Variants in CDK19 observed in about 807,000 individuals in gnomAD.
CDK19 encodes cyclin dependent kinase 19.
In CDK19, 20 loss-of-function variants were observed where a neutral mutation model predicts 68.3. The ratio of observed to expected loss-of-function variants is 0.29; its 90% CI spans 0.21 to 0.43. The LOEUF (loss-of-function observed/expected upper bound fraction) is 0.43, where lower values mean the gene tolerates loss of function less well. Ranked by LOEUF, CDK19 falls within the 20% of genes least tolerant of loss-of-function variation. The pLI is 1.00. For synonymous variants in CDK19, 221 were observed against 222.8 expected (o/e 0.99, Z 0.07); for missense variants, 339 against 623.5 (o/e 0.54, Z 4.86).
At chr6:110,724,166 C>G (rs1776156966) in intron 2 of CDK19, among the ~76,000 whole-genome samples, 1 of 152,070 alleles carries the variant, frequency 6.6e-6, no homozygotes, top group South Asian at 2.1e-4. Context: ...CCAGCCTGAC[C>G]AACACAGAGA....
chr6:110,688,450 C>T (rs1772693882), intron 2 of CDK19, among the ~76,000 whole-genome samples: 1 of 152,162 alleles, frequency 6.6e-6, no homozygotes, highest in Admixed American at 6.5e-5. Context: ...TAGAGACTCA[C>T]TCTGGGAACT....
chr6:110,764,097 A>T (rs1050466294), intron 1 of CDK19, among the ~76,000 whole-genome samples: 2 of 152,208 alleles, frequency 1.3e-5, no homozygotes, highest in African/African-American at 4.8e-5. Flanking sequence ...TGATAAAACA[A>T]ATCAAAAAAG....
chr6:110,618,343 G>A (rs917895120), intron 12 of CDK19, among the ~76,000 whole-genome samples: 4 of 151,992 alleles, frequency 2.6e-5, no homozygotes, highest in Non-Finnish European at 5.9e-5. Context: ...ATGTTGGCCA[G>A]GATGGTCTTG....
At chr6:110,750,103 C>T (rs2114899233) in intron 1 of CDK19, among the ~76,000 whole-genome samples, 1 of 145,662 alleles carries the variant, frequency 6.9e-6, no homozygotes, top group East Asian at 2.2e-4. Context: ...GAAATGATGA[C>T]ATGACCTAAA....
chr6:110,812,059 T>A (rs1163707075), intron 1 of CDK19, among the ~76,000 whole-genome samples: 4 of 151,102 alleles, frequency 2.6e-5, no homozygotes, highest in African/African-American at 4.9e-5. Context: ...AGTATAAATA[T>A]TAAATAAAAA....
intron 2 of CDK19, among the ~76,000 whole-genome samples, chr6:110,691,466 T>G (rs1314903454): frequency 6.7e-6 from 1 of 149,786 alleles, no homozygotes; most frequent in South Asian, 2.1e-4. Flanking sequence ...AGTGCAAGAC[T>G]CCGTCTCAAA....
chr6:110,620,753 A>G (rs1289615943), intron 12 of CDK19, among the ~76,000 whole-genome samples: 1 of 152,124 alleles, frequency 6.6e-6, no homozygotes, highest in Non-Finnish European at 1.5e-5. Context: ...ATTTTGTCCA[A>G]AGTAAGACAC....
chr6:110,670,184 A>C (rs1457592707), intron 3 of CDK19, among the ~76,000 whole-genome samples: 1 of 147,584 alleles, frequency 6.8e-6, no homozygotes, highest in Non-Finnish European at 1.5e-5. Flanking sequence ...GGCCAAAAAA[A>C]GTATAGTCTC....
intron 1 of CDK19, among the ~76,000 whole-genome samples, chr6:110,798,416 G>A (rs920904017): frequency 3.3e-5 from 5 of 152,070 alleles, no homozygotes; most frequent in Non-Finnish European, 7.4e-5. Context: ...CCAGAGGTCA[G>A]GAGTTTGAGA....
chr6:110,740,261 A>G (rs1478010064), intron 2 of CDK19, among the ~76,000 whole-genome samples: 3 of 152,174 alleles, frequency 2.0e-5, no homozygotes, highest in Non-Finnish European at 4.4e-5. Context: ...AATAGCATTT[A>G]CCACGTTTTC....
intron 1 of CDK19, among the ~76,000 whole-genome samples, chr6:110,808,707 C>A (rs1053856072): frequency 1.3e-5 from 2 of 152,088 alleles, no homozygotes; most frequent in African/African-American, 4.8e-5. Flanking sequence ...GTTAAAGATA[C>A]TTAATTTTTT....
At chr6:110,618,884 CCTTT>C (rs1178825443) in intron 12 of CDK19, among the ~76,000 whole-genome samples, 2 of 152,208 alleles carry the variant, frequency 1.3e-5, no homozygotes, top group South Asian at 2.1e-4. Flanking sequence ...AATAAATCTG[CCTTT>C]CTTTACCCAG....
chr6:110,676,426 GGACT>G (rs777642249), intron 2 of CDK19, among the ~76,000 whole-genome samples: 20 of 152,264 alleles, frequency 1.3e-4, no homozygotes, highest in Non-Finnish European at 2.8e-4. Context: ...GGGTTTGAGA[GGACT>G]GACTCAAATT....
At chr6:110,698,323 CAAAT>C (rs1773666907) in intron 2 of CDK19, among the ~76,000 whole-genome samples, 1 of 150,626 alleles carries the variant, frequency 6.6e-6, no homozygotes, top group Admixed American at 6.6e-5. Flanking sequence ...AAAAAAAAAA[CAAAT>C]AATTCCATCA....
Position 110,815,211 on chromosome 6 carries a change from C to A in CDK19, c.-75G>T, listed in dbSNP as rs982691169. The A allele has an allele frequency of 2.1e-6, 3 of 1,443,026 alleles. No individual in the cohort carries two copies. The highest frequency in any genetic ancestry group is 2.7e-6 in the Non-Finnish European group (3 of 1,095,464). The allele number at this position is 1,443,026 out of a possible 1,614,324, so 89.4% of individuals were successfully genotyped here. On this transcript the variant is annotated 5_prime_UTR_variant, in exon 1 of 13. Coordinates refer to ENST00000368911, the MANE Select transcript of CDK19 (RefSeq NM_015076.5). ...GTCCCTCCTCCTCCTCCCCCCGCGA[C>A]CGCCGCTCCACTTCTCCAACAGCCG...
intron 2 of CDK19, among the ~76,000 whole-genome samples, chr6:110,671,743 A>G (rs1252563420): frequency 6.6e-6 from 1 of 152,204 alleles, no homozygotes; most frequent in African/African-American, 2.4e-5. Flanking sequence ...TCAATGAGGC[A>G]GAGAAAAATA....
rs574343339 is a variant in CDK19 at position 110,751,489 on chromosome 6, G to A, written c.129-5288C>T. ...ATCTAGTTGCAGGAAAGCAAACACAGGACTCCTGCTGATTCTACGTTATGG... is the reference window on the plus strand; with the variant it reads ...ATCTAGTTGCAGGAAAGCAAACACAAGACTCCTGCTGATTCTACGTTATGG... On this transcript the variant is annotated intron_variant, in intron 1 of 12. Transcript: ENST00000368911. Among the ~76,000 whole-genome samples, 19 of 152,076 alleles carry A rather than the reference G, an allele frequency of 1.2e-4. No homozygotes were observed. The South Asian group carries it at 3.7e-3, about 30-fold the overall frequency.
At chr6:110,764,429 T>TA (rs1779433694) in intron 1 of CDK19, among the ~76,000 whole-genome samples, 1 of 152,150 alleles carries the variant, frequency 6.6e-6, no homozygotes, top group South Asian at 2.1e-4. Flanking sequence ...TGGAACAGAA[T>TA]AGAGAGCTCA....
At chr6:110,724,593 G>C (rs1776188562) in intron 2 of CDK19, among the ~76,000 whole-genome samples, 1 of 152,114 alleles carries the variant, frequency 6.6e-6, no homozygotes, top group Admixed American at 6.6e-5. Context: ...GAGAGGCAAG[G>C]AGAACAGACA....
Sources: gnomAD v4.1 joint callset for allele counts (sites outside exome capture counted in the v4.1 genomes callset) on GRCh38, gnomAD v4.1.1 for gene constraint, MANE v1.5 for transcripts, NCBI Gene and HGNC (gene_info 2026-07-23, HGNC 2026-07-21) for gene names.